Variants in DHX9 observed in about 807,000 individuals in gnomAD.
The protein encoded by DHX9 is ATP-dependent RNA helicase A.
A neutral mutation model predicts 148.7 loss-of-function variants in DHX9; 27 were observed. The observed-to-expected ratio is 0.18, with a 90% confidence interval of 0.13 to 0.25. The LOEUF (loss-of-function observed/expected upper bound fraction) is 0.25, where lower values mean the gene tolerates loss of function less well. Ranked by LOEUF, DHX9 falls within the 10% of genes least tolerant of loss-of-function variation. The probability of loss-of-function intolerance (pLI) is 1.00; values close to 1 mark genes in which losing one functional copy is unlikely to be tolerated. For synonymous variants in DHX9, 529 were observed against 516.6 expected (o/e 1.02, Z -0.33); for missense variants, 796 against 1,559.6 (o/e 0.51, Z 8.25).
chr1:182,884,225 C>CA (rs1349203402), intron 26 of DHX9, among the ~76,000 whole-genome samples: 1 of 152,060 alleles, frequency 6.6e-6, no homozygotes, highest in Non-Finnish European at 1.5e-5. Context: ...AATGAGCTAT[C>CA]ACGCCACTGC....
At chr1:182,853,985 A>G (rs1303042464) in intron 5 of DHX9, 45 bp from the exon 6 acceptor site, 2 of 1,586,306 alleles carry the variant, frequency 1.3e-6, no homozygotes, top group Non-Finnish European at 8.6e-7. Flanking sequence ...TTGTTTGTAT[A>G]CCTAAACTTA....
intron 12 of DHX9, among the ~76,000 whole-genome samples, chr1:182,860,643 TTC>T (rs1172508288): frequency 6.6e-6 from 1 of 152,226 alleles, no homozygotes; most frequent in Non-Finnish European, 1.5e-5. Context: ...CACATAGTAT[TTC>T]TCTTTCAGTA....
intron 3 of DHX9, among the ~76,000 whole-genome samples, chr1:182,845,207 C>T (rs1223762450): frequency 6.6e-6 from 1 of 152,162 alleles, no homozygotes; most frequent in African/African-American, 2.4e-5. Flanking sequence ...AAAATGCCTT[C>T]TGGTAGAGAA....
chr1:182,872,555 C>T (rs1362902651), intron 15 of DHX9, 62 bp downstream of exon 15: 1 of 1,498,712 alleles, frequency 6.7e-7, no homozygotes, highest in Non-Finnish European at 9.0e-7. Context: ...TTTTCTTAAT[C>T]CTGGAGATTG....
chr1:182,852,320 C>G lies in DHX9; in HGVS notation c.340C>G (p.Pro114Ala). 6.2e-7 allele frequency: 1 copy of G among 1,612,276 alleles called. No individual in the cohort carries two copies. The highest frequency in any genetic ancestry group is 8.5e-7 in the Non-Finnish European group (1 of 1,179,224). The change falls in exon 4 of 28, where the codon CCT becomes GCT. Residue 114 changes from proline (P) to alanine (A), a missense_variant. Transcript: ENST00000367549. ...ACCAACAACCATGGGAGGACCTCTT[C>G]CTCCACATCTGGCTCTCAAAGCAGG... ...DLPTTMGGPL[P>A]PHLALKAENN... is the part of the protein sequence containing the mutation.
chr1:182,862,643 A>G (rs952180997), intron 12 of DHX9, among the ~76,000 whole-genome samples: 5 of 152,196 alleles, frequency 3.3e-5, no homozygotes, highest in Non-Finnish European at 7.4e-5. Context: ...GAATCTTGAC[A>G]TTTTGTGGCA....
In DHX9 at chr1:182,859,904, T is replaced by C. The variant is rs1006754739; in HGVS notation, c.1141-89T>C. 30 of 1,341,482 alleles carry C rather than the reference T, an allele frequency of 2.2e-5. No individual in the cohort carries two copies. The African/African-American group carries it at 4.1e-4, about 18-fold the overall frequency. 83.1% of individuals were successfully genotyped at this position (1,341,482 alleles called of 1,614,324 possible). On this transcript the variant is annotated intron_variant, in intron 11 of 27. Coordinates refer to ENST00000367549, the MANE Select transcript of DHX9 (RefSeq NM_001357.5). ...CAGGCGTGAGCCACCGCGCCCAGTC[T>C]ATAGAGATGGAAGTTTTTTAAAGGA...
intron 12 of DHX9, 107 bp from the exon 13 acceptor site, chr1:182,866,337 A>C: frequency 6.4e-6 from 7 of 1,096,636 alleles, no homozygotes; most frequent in Non-Finnish European, 7.7e-6. Context: ...TCTGTTAATT[A>C]TTCAACTAGC....
At chr1:182,886,774 C>T (rs1649350343) in intron 27 of DHX9, among the ~76,000 whole-genome samples, 1 of 152,180 alleles carries the variant, frequency 6.6e-6, no homozygotes, top group South Asian at 2.1e-4. Flanking sequence ...CTCCAGGAAC[C>T]CTCTCCTAAT....
chr1:182,858,728 A>C lies in DHX9; in HGVS notation c.901-5A>C, dbSNP rs761897217. The C allele has an allele frequency of 6.2e-7, 1 of 1,613,456 alleles. No individual in the cohort carries two copies. Among genetic ancestry groups the C allele is most frequent in the Non-Finnish European group, 8.5e-7 (1 of 1,179,730 alleles). The stretch of plus-strand genomic sequence containing the variant: ...TTTTTGTTTGTTTTTCTTATTTTTT[A>C]ATAGCCTGAAGATCCTTCTGTGCCA... On this transcript the variant is annotated splice_polypyrimidine_tract_variant and splice_region_variant and intron_variant, in intron 9 of 27. Transcript: ENST00000367549.
At chr1:182,856,496 T>A in intron 6 of DHX9, 36 bp from the exon 7 acceptor site, 1 of 1,603,618 alleles carries the variant, frequency 6.2e-7, no homozygotes, top group South Asian at 1.1e-5. Flanking sequence ...TTTCTAACAG[T>A]GAAATTTCTA....
intron 3 of DHX9, among the ~76,000 whole-genome samples, chr1:182,848,237 A>G (rs1253652107): frequency 6.6e-6 from 1 of 152,170 alleles, no homozygotes; most frequent in Non-Finnish European, 1.5e-5. Context: ...TTTTTAACTC[A>G]GTGTTTCTCA....
intron 17 of DHX9, 28 bp downstream of exon 17, chr1:182,876,291 T>G: frequency 6.2e-7 from 1 of 1,607,690 alleles, no homozygotes; most frequent in Non-Finnish European, 8.5e-7. Flanking sequence ...CTCACATATT[T>G]GAGAGTGAAA....
rs191202625 is a variant in DHX9, at chr1:182,874,834, G to C, written c.1715-20G>C. 5.1e-4 allele frequency: 799 copies of C among 1,580,248 alleles called. 2 individuals carry two copies. In the Middle Eastern group the frequency reaches 0.01, roughly 20 times the overall value. ...TGTGAAAGTTGATAGTACTTAACCT[G>C]ACTGGATTGTCCCTGGCAGAATATT... is the stretch of plus-strand genomic sequence containing the variant. On this transcript the variant is annotated intron_variant, in intron 15 of 27. Transcript: ENST00000367549.
intron 14 of DHX9, among the ~76,000 whole-genome samples, chr1:182,871,630 T>TA (rs1350183887): frequency 6.6e-6 from 1 of 152,152 alleles, no homozygotes; most frequent in African/African-American, 2.4e-5. Context: ...AGAAGCCAGA[T>TA]ATGTGTAAGA....
intron 1 of DHX9, among the ~76,000 whole-genome samples, chr1:182,841,330 G>A (rs1667924045): frequency 6.6e-6 from 1 of 152,094 alleles, no homozygotes; most frequent in African/African-American, 2.4e-5. Context: ...TTAAATATAT[G>A]TATTTGGGCA....
At chr1:182,844,114 T>C (rs2102587536) in intron 3 of DHX9, among the ~76,000 whole-genome samples, 1 of 152,074 alleles carries the variant, frequency 6.6e-6, no homozygotes, top group African/African-American at 2.4e-5. Flanking sequence ...TGCCCAGCTA[T>C]TTTTTATGTT....
chr1:182,887,507 C>T lies in DHX9; in HGVS notation c.*73C>T, dbSNP rs1649390575. Reference sequence around the variant, plus strand: ...CATGCTATGTGTTACGTGTTTTTTCCAGTATGTTTATTTGCCACCAAAAAG... The same window carrying T: ...CATGCTATGTGTTACGTGTTTTTTCTAGTATGTTTATTTGCCACCAAAAAG... On this transcript the variant is annotated 3_prime_UTR_variant, in exon 28 of 28. Coordinates refer to ENST00000367549, the MANE Select transcript of DHX9 (RefSeq NM_001357.5). The T allele has an allele frequency of 3.7e-6, 5 of 1,365,298 alleles. No individual in the cohort carries two copies. Among genetic ancestry groups the T allele is most frequent in the East Asian group, 2.4e-5 (1 of 42,274 alleles). 84.6% of individuals were successfully genotyped at this position (1,365,298 alleles called of 1,614,324 possible).
At chr1:182,871,369 A>G (rs1466339020) in intron 14 of DHX9, among the ~76,000 whole-genome samples, 2 of 152,238 alleles carry the variant, frequency 1.3e-5, no homozygotes, top group Non-Finnish European at 2.9e-5. Flanking sequence ...AAAAAGTGAC[A>G]CTAAAAATGT....
Sources: allele counts gnomAD v4.1 joint callset (sites outside exome capture counted in the v4.1 genomes callset), GRCh38; gene constraint gnomAD v4.1.1; transcripts MANE v1.5; gene names NCBI Gene and HGNC (gene_info 2026-07-23, HGNC 2026-07-21).